Variants in RORA observed in about 807,000 individuals in gnomAD.
RORA encodes nuclear receptor ROR-alpha.
A neutral mutation model predicts 69.5 loss-of-function variants in RORA; 7 were observed. The ratio of observed to expected loss-of-function variants is 0.10; its 90% confidence interval spans 0.06 to 0.19. RORA has a LOEUF of 0.19. Among genes scored for constraint, RORA ranks in the 10% least tolerant of loss-of-function variants. The pLI is 1.00. For missense variants in RORA, 457 were observed against 663.0 expected (o/e 0.69, Z 3.41); for synonymous variants, 261 against 240.8 (o/e 1.08, Z -0.78).
chr15:60,964,961 G>A (rs753284753), intron 1 of RORA, among the ~76,000 whole-genome samples: 12 of 152,124 alleles, frequency 7.9e-5, no homozygotes, highest in Admixed American at 3.9e-4. Flanking sequence ...ACTGAATTAC[G>A]CCATACTAAT....
At chr15:60,715,499 A>G (rs2071208358) in intron 1 of RORA, among the ~76,000 whole-genome samples, 1 of 152,206 alleles carries the variant, frequency 6.6e-6, no homozygotes, top group African/African-American at 2.4e-5. Flanking sequence ...GTCTAAGGAG[A>G]ATAGAAGAAG....
At chr15:60,985,848 G>A (rs1396671144) in intron 1 of RORA, among the ~76,000 whole-genome samples, 1 of 152,122 alleles carries the variant, frequency 6.6e-6, no homozygotes, top group African/African-American at 2.4e-5. Context: ...CCAAAATGCT[G>A]GGATTACAGG....
intron 1 of RORA, among the ~76,000 whole-genome samples, chr15:60,965,553 G>C (rs1250373492): frequency 6.6e-6 from 1 of 152,174 alleles, no homozygotes; most frequent in Non-Finnish European, 1.5e-5. Flanking sequence ...CTGAGCAGAA[G>C]AAGAAACTAG....
chr15:61,017,513 T>TA (rs940420426), intron 1 of RORA, among the ~76,000 whole-genome samples: 2 of 151,924 alleles, frequency 1.3e-5, no homozygotes, highest in Non-Finnish European at 2.9e-5. Flanking sequence ...TTTGCAAGCT[T>TA]AAAAAAAAGA....
At chr15:60,672,938 TA>T (rs1166684123) in intron 2 of RORA, among the ~76,000 whole-genome samples, 1 of 152,180 alleles carries the variant, frequency 6.6e-6, no homozygotes, top group Non-Finnish European at 1.5e-5. Flanking sequence ...TAGCGCTTTT[TA>T]AAAAATCAAT....
chr15:60,900,322 C>G (rs1000169983), intron 1 of RORA, among the ~76,000 whole-genome samples: 2 of 152,206 alleles, frequency 1.3e-5, no homozygotes, highest in African/African-American at 4.8e-5. Flanking sequence ...AAAACATAAA[C>G]AGTAGCCCAA....
At chr15:61,039,461 A>G (rs1295402025) in intron 1 of RORA, among the ~76,000 whole-genome samples, 1 of 152,106 alleles carries the variant, frequency 6.6e-6, no homozygotes, top group East Asian at 1.9e-4. Context: ...CTTCCTTGGT[A>G]AAACAGATGG....
intron 2 of RORA, among the ~76,000 whole-genome samples, chr15:60,615,850 G>T (rs2140602514): frequency 6.6e-6 from 1 of 152,306 alleles, no homozygotes; most frequent in South Asian, 2.1e-4. Context: ...TCTGTGGATG[G>T]AGGTTGAGAG....
chr15:60,839,599 A>C (rs2073169539), intron 1 of RORA, among the ~76,000 whole-genome samples: 1 of 152,218 alleles, frequency 6.6e-6, no homozygotes, highest in African/African-American at 2.4e-5. Context: ...ATATCAATGC[A>C]CATCTGTACA....
At chr15:61,060,465 C>T (rs1381160045) in intron 1 of RORA, among the ~76,000 whole-genome samples, 2 of 152,154 alleles carry the variant, frequency 1.3e-5, no homozygotes, top group Non-Finnish European at 2.9e-5. Flanking sequence ...CTTTCAGGTA[C>T]ACCTCAGGGT....
chr15:60,837,038 C>CA (rs1555457084), intron 1 of RORA, among the ~76,000 whole-genome samples: 1 of 142,986 alleles, frequency 7.0e-6, no homozygotes, highest in Non-Finnish European at 1.5e-5. Context: ...ATACCTTGAC[C>CA]TTTTTTTTTT....
chr15:60,728,612 T>TAA (rs1315762718), intron 1 of RORA, among the ~76,000 whole-genome samples: 1 of 152,136 alleles, frequency 6.6e-6, no homozygotes, highest in African/African-American at 2.4e-5. Context: ...AAGAAAAGAT[T>TAA]ATGTCTCCCA....
chr15:60,806,737 G>C (rs1275184349), intron 1 of RORA, among the ~76,000 whole-genome samples: 3 of 152,188 alleles, frequency 2.0e-5, no homozygotes, highest in Non-Finnish European at 4.4e-5. Flanking sequence ...AGTAGAGTTA[G>C]AACTGGAGTC....
At chr15:60,536,880 T>C (rs1805739717) in intron 2 of RORA, among the ~76,000 whole-genome samples, 1 of 152,288 alleles carries the variant, frequency 6.6e-6, no homozygotes, top group African/African-American at 2.4e-5. Context: ...GGTGTTTTTT[T>C]CTGGAGTGCA....
At chr15:61,012,893 G>A (rs916336734) in intron 1 of RORA, among the ~76,000 whole-genome samples, 5 of 152,196 alleles carry the variant, frequency 3.3e-5, no homozygotes, top group Middle Eastern at 3.4e-3. Flanking sequence ...CAAGTGATCC[G>A]CCTGCCTTGG....
At chr15:60,521,523 G>A (rs919337086) in intron 3 of RORA, among the ~76,000 whole-genome samples, 1 of 152,134 alleles carries the variant, frequency 6.6e-6, no homozygotes, top group Non-Finnish European at 1.5e-5. Flanking sequence ...TTACAGGCGT[G>A]AGCCACCGTA....
Position 60,532,575 on chromosome 15 carries a change from C to T in RORA, c.197-724G>A, listed in dbSNP as rs573031017. 3.9e-5 allele frequency among the ~76,000 whole-genome samples: 6 copies of T among 152,096 alleles called. No individual in the cohort carries two copies. The South Asian group carries it at 1.0e-3, about 26-fold the overall frequency. On this transcript the variant is annotated intron_variant, in intron 2 of 10. Transcript: ENST00000335670. ...TAAAGATGCCTCATGCTGGAAGACCCGCAAATAACATGTATCACACCAAAG... is the reference window on the plus strand; with the variant it reads ...TAAAGATGCCTCATGCTGGAAGACCTGCAAATAACATGTATCACACCAAAG...
chr15:60,605,791 A>G (rs1028640898), intron 2 of RORA, among the ~76,000 whole-genome samples: 3 of 152,242 alleles, frequency 2.0e-5, no homozygotes, highest in African/African-American at 7.2e-5. Context: ...ACTTACATTT[A>G]TATTAACTTT....
chr15:60,920,048 G>T (rs1274644503), intron 1 of RORA, among the ~76,000 whole-genome samples: 1 of 152,130 alleles, frequency 6.6e-6, no homozygotes, highest in East Asian at 1.9e-4. Context: ...AGTTTTAGTG[G>T]AAAGGAATAG....
Sources: allele counts gnomAD v4.1 joint callset (sites outside exome capture counted in the v4.1 genomes callset), GRCh38; gene constraint gnomAD v4.1.1; transcripts MANE v1.5; gene names NCBI Gene and HGNC (gene_info 2026-07-23, HGNC 2026-07-21).